The following RBFOX1 variants were observed in gnomAD, a reference collection of about 807,000 sequenced individuals.
RBFOX1 encodes RNA binding protein fox-1 homolog 1.
In RBFOX1, 8 loss-of-function variants were observed where a neutral mutation model predicts 57.7. The ratio of observed to expected loss-of-function variants is 0.14; its 90% CI spans 0.08 to 0.25. The LOEUF is 0.25. Among genes scored for constraint, RBFOX1 ranks in the 10% least tolerant of loss-of-function variants. RBFOX1 has a pLI of 1.00. For synonymous variants in RBFOX1, 326 were observed against 222.4 expected (o/e 1.47, Z -4.15); for missense variants, 611 against 548.5 (o/e 1.11, Z -1.14).
rs78615022 is a variant in RBFOX1, at chr16:6,726,973, G to T, written c.-16+72323G>T. Among the ~76,000 whole-genome samples, 798 of 151,362 alleles carry T rather than the reference G, an allele frequency of 5.3e-3. 9 individuals carry two copies. Among genetic ancestry groups the T allele is most frequent in the African/African-American group, 0.018 (742 of 41,300 alleles). ...TGGCACAGCCTATGTGCTACCCAGA[G>T]ACTGGGAGGCAGTGCAGACCCAGAG... is the stretch of plus-strand genomic sequence containing the variant. On this transcript the variant is annotated intron_variant, in intron 3 of 15. Transcript: ENST00000550418.
chr16:6,589,616 C>T (rs1266833421), intron 2 of RBFOX1, among the ~76,000 whole-genome samples: 1 of 152,238 alleles, frequency 6.6e-6, no homozygotes, highest in Admixed American at 6.5e-5. Flanking sequence ...GGTTCAAAAT[C>T]TTGCAGCTCC....
chr16:7,610,280 C>T (rs558171605), intron 10 of RBFOX1, among the ~76,000 whole-genome samples: 9 of 151,708 alleles, frequency 5.9e-5, no homozygotes, highest in South Asian at 4.2e-4. Context: ...CCACCATGCC[C>T]GGATCATTTT....
chr16:7,076,460 A>T (rs1479386879), intron 4 of RBFOX1, among the ~76,000 whole-genome samples: 2 of 152,188 alleles, frequency 1.3e-5, no homozygotes, highest in Non-Finnish European at 2.9e-5. Flanking sequence ...AAAATAGGAT[A>T]TACCAGATTT....
At chr16:6,324,820 T>TGAAGG (rs934263001) in intron 2 of RBFOX1, among the ~76,000 whole-genome samples, 5 of 152,224 alleles carry the variant, frequency 3.3e-5, no homozygotes, top group Non-Finnish European at 7.4e-5. Flanking sequence ...AAGAGAAGGT[T>TGAAGG]GAAGGGAAGT....
At chr16:5,429,328 C>T (rs1230284826) in intron 1 of RBFOX1, among the ~76,000 whole-genome samples, 1 of 152,180 alleles carries the variant, frequency 6.6e-6, no homozygotes, top group African/African-American at 2.4e-5. Flanking sequence ...ATAAGGATTT[C>T]TCCGCACTGG....
intron 3 of RBFOX1, among the ~76,000 whole-genome samples, chr16:6,924,338 A>G (rs1378551820): frequency 6.6e-6 from 1 of 151,994 alleles, no homozygotes; most frequent in Non-Finnish European, 1.5e-5. Context: ...CATGGGAGGC[A>G]TGTTGGGCAG....
At chr16:5,913,711 C>T (rs1469479854) in intron 4 of RBFOX1, among the ~76,000 whole-genome samples, 1 of 152,220 alleles carries the variant, frequency 6.6e-6, no homozygotes, top group African/African-American at 2.4e-5. Flanking sequence ...TCACCAGATC[C>T]TTGCTCAAGA....
intron 3 of RBFOX1, among the ~76,000 whole-genome samples, chr16:6,886,364 G>C (rs1019918242): frequency 6.6e-6 from 1 of 151,974 alleles, no homozygotes; most frequent in African/African-American, 2.4e-5. Flanking sequence ...GCCCGGCCCA[G>C]TGAAGCACCT....
chr16:6,166,650 C>G (rs1010779468), intron 1 of RBFOX1, among the ~76,000 whole-genome samples: 5 of 152,274 alleles, frequency 3.3e-5, no homozygotes, highest in Non-Finnish European at 5.9e-5. Flanking sequence ...TAACGCCGGT[C>G]CCTGAATAAG....
chr16:7,018,327 C>G (rs151160579), intron 3 of RBFOX1, among the ~76,000 whole-genome samples: 2,725 of 152,238 alleles, frequency 0.018, 39 homozygotes, highest in Middle Eastern at 0.041. Context: ...AGAAGCCTAA[C>G]CTCCGGGAGT....
chr16:6,800,366 G>A (rs1048009380), intron 3 of RBFOX1, among the ~76,000 whole-genome samples: 7 of 152,124 alleles, frequency 4.6e-5, no homozygotes, highest in African/African-American at 1.7e-4. Context: ...CATGCAATAA[G>A]TTAAGGAAGT....
intron 3 of RBFOX1, among the ~76,000 whole-genome samples, chr16:6,994,937 G>C (rs1370072015): frequency 2.1e-5 from 3 of 144,706 alleles, no homozygotes; most frequent in Admixed American, 6.9e-5. Context: ...TGTGATTCTT[G>C]CATTATTTTG....
intron 1 of RBFOX1, among the ~76,000 whole-genome samples, chr16:6,225,255 C>A (rs1331537450): frequency 6.6e-6 from 1 of 152,022 alleles, no homozygotes; most frequent in African/African-American, 2.4e-5. Flanking sequence ...TAAAATAGTG[C>A]CCCTGTTCTG....
At chr16:5,867,856 T>C (rs1597566687) in intron 4 of RBFOX1, among the ~76,000 whole-genome samples, 1 of 151,904 alleles carries the variant, frequency 6.6e-6, no homozygotes, top group South Asian at 2.1e-4. Flanking sequence ...GGATTACAGG[T>C]GTGCACCGCC....
intron 3 of RBFOX1, among the ~76,000 whole-genome samples, chr16:6,934,019 A>C (rs1222681693): frequency 2.6e-5 from 4 of 152,148 alleles, no homozygotes; most frequent in African/African-American, 9.7e-5. Context: ...CAGGGAGGGG[A>C]CACGATTGCA....
chr16:6,779,847 ATATT>A (rs1240505692), intron 3 of RBFOX1, among the ~76,000 whole-genome samples: 7 of 32,276 alleles, frequency 2.2e-4, no homozygotes, highest in Non-Finnish European at 2.9e-4. Context: ...ATTTATATAT[ATATT>A]TATATATATT....
chr16:5,528,428 C>T (rs1009289826), intron 2 of RBFOX1, among the ~76,000 whole-genome samples: 1 of 152,076 alleles, frequency 6.6e-6, no homozygotes, highest in Non-Finnish European at 1.5e-5. Context: ...GCACCGGGGC[C>T]ACATCTGAGC....
chr16:7,511,128 C>T (rs1289153463), intron 4 of RBFOX1, among the ~76,000 whole-genome samples: 4 of 152,188 alleles, frequency 2.6e-5, no homozygotes, highest in African/African-American at 7.2e-5. Flanking sequence ...AAAGCTGGTA[C>T]TTTGCCTTCT....
chr16:5,291,078 A>G (rs1044077971), intron 1 of RBFOX1, among the ~76,000 whole-genome samples: 3 of 152,114 alleles, frequency 2.0e-5, no homozygotes, highest in Non-Finnish European at 4.4e-5. Flanking sequence ...GAGGCTGGAG[A>G]AAGAGAGGGG....
Sources: gnomAD v4.1 joint callset for allele counts (sites outside exome capture counted in the v4.1 genomes callset) on GRCh38, gnomAD v4.1.1 for gene constraint, MANE v1.5 for transcripts, NCBI Gene and HGNC (gene_info 2026-07-23, HGNC 2026-07-21) for gene names.